The following EBF2 variants were observed in gnomAD, a reference collection of about 807,000 sequenced individuals.
EBF2 encodes EBF transcription factor 2.
Under a neutral mutation model 72.8 loss-of-function variants are expected in EBF2, and 21 were observed. That is an observed-to-expected ratio of 0.29 (90% CI 0.20 to 0.42). EBF2 has a LOEUF of 0.42. Among genes scored for constraint, EBF2 ranks in the 10% least tolerant of loss-of-function variants. The pLI, the probability that EBF2 is intolerant of heterozygous loss-of-function variation, is 1.00. For synonymous variants in EBF2, 299 were observed against 274.2 expected (o/e 1.09, Z -0.89); for missense variants, 637 against 731.2 (o/e 0.87, Z 1.49).
chr8:26,030,028 C>T (rs1015861612), intron 6 of EBF2, among the ~76,000 whole-genome samples: 2 of 152,202 alleles, frequency 1.3e-5, no homozygotes, highest in African/African-American at 4.8e-5. Flanking sequence ...CCTCCTACCT[C>T]AGCCTCCTGA....
At chr8:25,937,986 A>T (rs76888034) in intron 6 of EBF2, among the ~76,000 whole-genome samples, 2 of 152,190 alleles carry the variant, frequency 1.3e-5, no homozygotes, top group African/African-American at 4.8e-5. Context: ...AGAAAGAGAA[A>T]AAAAGGAAGA....
At chr8:26,004,983 G>A (rs62499124) in intron 6 of EBF2, among the ~76,000 whole-genome samples, 34,249 of 150,338 alleles carry the variant, frequency 0.23, 4,318 homozygotes, top group Non-Finnish European at 0.28. Context: ...TACAACAGTC[G>A]CATAGTGGCT....
At chr8:25,884,807 A>T (rs1444163903) in intron 10 of EBF2, among the ~76,000 whole-genome samples, 1 of 152,132 alleles carries the variant, frequency 6.6e-6, no homozygotes, top group Non-Finnish European at 1.5e-5. Context: ...CAGGACAGAA[A>T]ATTCAAAGGC....
At chr8:25,887,123 C>T (rs926250261) in intron 9 of EBF2, among the ~76,000 whole-genome samples, 1 of 151,768 alleles carries the variant, frequency 6.6e-6, no homozygotes, top group African/African-American at 2.4e-5. Flanking sequence ...CTCTGTCTCT[C>T]TCTCTCTCTC....
chr8:25,937,920 C>T (rs966608995), intron 6 of EBF2, among the ~76,000 whole-genome samples: 3 of 151,980 alleles, frequency 2.0e-5, no homozygotes, highest in African/African-American at 7.3e-5. Flanking sequence ...ATTTTCCACC[C>T]AAGTTCGCTT....
chr8:25,901,520 C>T (rs914370991), intron 7 of EBF2, among the ~76,000 whole-genome samples: 9 of 151,902 alleles, frequency 5.9e-5, no homozygotes, highest in Non-Finnish European at 1.3e-4. Context: ...CTAATATACA[C>T]GCTTGTGCTG....
intron 6 of EBF2, among the ~76,000 whole-genome samples, chr8:26,029,542 TCC>T (rs1805363533): frequency 6.6e-6 from 1 of 152,162 alleles, no homozygotes. Flanking sequence ...TGGGGAACCA[TCC>T]TCTCCCTCTC....
intron 8 of EBF2, among the ~76,000 whole-genome samples, chr8:25,888,634 A>G (rs1396801635): frequency 1.3e-5 from 2 of 152,204 alleles, no homozygotes; most frequent in African/African-American, 4.8e-5. Flanking sequence ...CAGCTCTATC[A>G]AGAGACAATT....
chr8:25,845,505 C>A (rs901625974), intron 15 of EBF2, among the ~76,000 whole-genome samples: 1 of 152,220 alleles, frequency 6.6e-6, no homozygotes, highest in Admixed American at 6.5e-5. Context: ...GGATTACAGG[C>A]ATGAGCCACT....
At chr8:25,867,924 G>A (rs1802363370) in intron 10 of EBF2, among the ~76,000 whole-genome samples, 1 of 152,110 alleles carries the variant, frequency 6.6e-6, no homozygotes, top group African/African-American at 2.4e-5. Flanking sequence ...GATTGTTAAT[G>A]TTTTAGCATA....
chr8:25,872,176 C>G (rs766008311), intron 10 of EBF2, among the ~76,000 whole-genome samples: 6 of 152,168 alleles, frequency 3.9e-5, no homozygotes, highest in Admixed American at 1.3e-4. Flanking sequence ...CTGTTCAGCC[C>G]TTAACAATTA....
Position 25,882,982 on chromosome 8 carries a change from C to T in EBF2, c.1009+3773G>A, listed in dbSNP as rs546259461. On this transcript the variant is annotated intron_variant, in intron 10 of 15. Coordinates refer to ENST00000520164, the MANE Select transcript of EBF2 (RefSeq NM_022659.4). ...TTGCTAAAGGAGCATCAGAAAGACACCAGGCAGGATGGCCAGAGGCCTGCA... is the reference window on the plus strand; with the variant it reads ...TTGCTAAAGGAGCATCAGAAAGACATCAGGCAGGATGGCCAGAGGCCTGCA... Among the ~76,000 whole-genome samples, 8 of 152,328 alleles carry T rather than the reference C, an allele frequency of 5.3e-5. No homozygotes were observed. The East Asian group carries it at 1.5e-3, about 29-fold the overall frequency.
At chr8:26,005,561 T>TAGAGAGAGAGGG in intron 6 of EBF2, among the ~76,000 whole-genome samples, 1 of 63,900 alleles carries the variant, frequency 1.6e-5, no homozygotes, top group South Asian at 4.8e-4. Flanking sequence ...TATATATATA[T>TAGAGAGAGAGGG]AGAGAGAGAG....
At position 25,947,424 on chromosome 8, in the gene EBF2, C is replaced by T. The variant is rs192392721; in HGVS notation, c.552-38869G>A. Among the ~76,000 whole-genome samples, 235 of 152,330 alleles carry T rather than the reference C, an allele frequency of 1.5e-3. 1 individual carries two copies. Among genetic ancestry groups the T allele is most frequent in the African/African-American group, 5.0e-3 (206 of 41,582 alleles). On this transcript the variant is annotated intron_variant, in intron 6 of 15. Coordinates refer to ENST00000520164, the MANE Select transcript of EBF2 (RefSeq NM_022659.4). ...CCTTTACAAATTACGCAGTCTCAGG[C>T]ATGTCTTTATTAGCAGTGTGAGAAC...
At chr8:25,945,874 CT>C (rs1484600447) in intron 6 of EBF2, among the ~76,000 whole-genome samples, 1 of 151,940 alleles carries the variant, frequency 6.6e-6, no homozygotes, top group Non-Finnish European at 1.5e-5. Flanking sequence ...TTGAAACGGT[CT>C]TTCATTCTAA....
intron 6 of EBF2, among the ~76,000 whole-genome samples, chr8:25,953,177 T>C (rs1803892048): frequency 6.6e-6 from 1 of 152,216 alleles, no homozygotes; most frequent in African/African-American, 2.4e-5. Flanking sequence ...CTGTGGCATT[T>C]CTTGACCATG....
intron 6 of EBF2, among the ~76,000 whole-genome samples, chr8:25,960,823 T>C (rs80315382): frequency 0.03 from 4,639 of 152,320 alleles, 112 homozygotes; most frequent in Non-Finnish European, 0.051. Flanking sequence ...GATTATAATA[T>C]GTAATTAATG....
chr8:25,938,557 T>C (rs1803618081), intron 6 of EBF2, among the ~76,000 whole-genome samples: 1 of 152,154 alleles, frequency 6.6e-6, no homozygotes, highest in Non-Finnish European at 1.5e-5. Flanking sequence ...GCTATGATCA[T>C]TGACAGAAAT....
At chr8:26,023,059 G>C (rs1805230101) in intron 6 of EBF2, among the ~76,000 whole-genome samples, 1 of 152,082 alleles carries the variant, frequency 6.6e-6, no homozygotes, top group Admixed American at 6.5e-5. Context: ...TCTCTCCTTG[G>C]TATATAGGTC....
Sources: allele counts gnomAD v4.1 joint callset (sites outside exome capture counted in the v4.1 genomes callset), GRCh38; gene constraint gnomAD v4.1.1; transcripts MANE v1.5; gene names NCBI Gene and HGNC (gene_info 2026-07-23, HGNC 2026-07-21).